Variants in ISM1 observed in about 807,000 individuals in gnomAD.
The protein encoded by ISM1 is isthmin 1.
Under a neutral mutation model 46.3 loss-of-function variants are expected in ISM1, and 25 were observed. That is an observed-to-expected ratio of 0.54 (90% CI 0.39 to 0.75). The LOEUF is 0.75. Ranked by LOEUF, ISM1 falls within the 30% of genes least tolerant of loss-of-function variation. ISM1 has a pLI of 0.00. For synonymous variants in ISM1, 255 were observed against 256.7 expected (o/e 0.99, Z 0.06); for missense variants, 536 against 625.4 (o/e 0.86, Z 1.52).
chr20:13,287,547 GCA>G (rs1418525311), intron 3 of ISM1, among the ~76,000 whole-genome samples: 1 of 152,070 alleles, frequency 6.6e-6, no homozygotes, highest in African/African-American at 2.4e-5. Flanking sequence ...TTTCCTTTTT[GCA>G]CACCACTCAT....
intron 1 of ISM1, among the ~76,000 whole-genome samples, chr20:13,266,624 A>G (rs2040045895): frequency 1.3e-5 from 2 of 152,264 alleles, no homozygotes; most frequent in Admixed American, 6.5e-5. Context: ...GGGTAAAGCA[A>G]TATTTTCCCA....
chr20:13,306,564 C>CAAAAAAAAAAAAAAAAGA, the ISM1 span, among the ~76,000 whole-genome samples: 1 of 63,914 alleles, frequency 1.6e-5, no homozygotes, highest in Non-Finnish European at 2.6e-5. Context: ...GGAGAAAGGA[C>CAAAAAAAAAAAAAAAAGA]AAAAAAAAAA....
chr20:13,246,141 C>T (rs2039790495), intron 1 of ISM1, among the ~76,000 whole-genome samples: 1 of 152,100 alleles, frequency 6.6e-6, no homozygotes, highest in Admixed American at 6.6e-5. Context: ...GGCATGGTGG[C>T]ACACACCTGT....
the ISM1 span, among the ~76,000 whole-genome samples, chr20:13,325,161 T>C: frequency 6.6e-6 from 1 of 151,996 alleles, no homozygotes; most frequent in Non-Finnish European, 1.5e-5. Context: ...GCCCGACAAA[T>C]GGGGTGAGGT....
At chr20:13,232,887 T>G (rs1480839437) in intron 1 of ISM1, among the ~76,000 whole-genome samples, 1 of 152,178 alleles carries the variant, frequency 6.6e-6, no homozygotes, top group Non-Finnish European at 1.5e-5. Context: ...ACTGTCTCCT[T>G]AGAAGGAATT....
At chr20:13,239,954 T>C (rs721243) in intron 1 of ISM1, among the ~76,000 whole-genome samples, 38,343 of 152,156 alleles carry the variant, frequency 0.25, 4,928 homozygotes, top group African/African-American at 0.31. Context: ...TTAGAGTAAG[T>C]GTACATCTAA....
At chr20:13,309,836 C>T in the ISM1 span, among the ~76,000 whole-genome samples, 55 of 144,946 alleles carry the variant, frequency 3.8e-4, no homozygotes, top group Non-Finnish European at 6.8e-4. Context: ...AAAACATTCT[C>T]ATTTACAACA....
intron 1 of ISM1, among the ~76,000 whole-genome samples, chr20:13,231,458 G>T (rs1175738702): frequency 6.6e-6 from 1 of 152,148 alleles, no homozygotes; most frequent in Non-Finnish European, 1.5e-5. Flanking sequence ...TGATCCCATG[G>T]TCCTTTACTA....
intron 2 of ISM1, among the ~76,000 whole-genome samples, 183 bp downstream of exon 2, chr20:13,270,926 T>C (rs1057131592): frequency 6.6e-6 from 1 of 152,212 alleles, no homozygotes; most frequent in Non-Finnish European, 1.5e-5. Context: ...CCCTTGATTG[T>C]GAGATGCACA....
At chr20:13,226,722 G>A (rs922481741) in intron 1 of ISM1, among the ~76,000 whole-genome samples, 5 of 152,166 alleles carry the variant, frequency 3.3e-5, no homozygotes, top group African/African-American at 1.2e-4. Context: ...AAGGAGTCTA[G>A]CTCATATATC....
chr20:13,255,455 G>T (rs1409224423), intron 1 of ISM1, among the ~76,000 whole-genome samples: 2 of 152,148 alleles, frequency 1.3e-5, no homozygotes, highest in Non-Finnish European at 2.9e-5. Flanking sequence ...AAAAAGAAAA[G>T]AAGTATATAT....
At chr20:13,268,514 C>A (rs1358310540) in intron 1 of ISM1, among the ~76,000 whole-genome samples, 1 of 152,118 alleles carries the variant, frequency 6.6e-6, no homozygotes, top group East Asian at 1.9e-4. Context: ...AAAACCATGG[C>A]AGAGAGGTGG....
At chr20:13,306,564 C>CAAAAAAAAAAAAAAAAAAAAAGAA in the ISM1 span, among the ~76,000 whole-genome samples, 1 of 63,914 alleles carries the variant, frequency 1.6e-5, no homozygotes, top group Non-Finnish European at 2.6e-5. Context: ...GGAGAAAGGA[C>CAAAAAAAAAAAAAAAAAAAAAGAA]AAAAAAAAAA....
At position 13,288,591 on chromosome 20, in the gene ISM1, C is replaced by T; in HGVS notation, c.695C>T (p.Thr232Ile). 1.2e-6 allele frequency: 2 copies of T among 1,613,968 alleles called. No homozygotes were observed. Among genetic ancestry groups the T allele is most frequent in the Non-Finnish European group, 1.7e-6 (2 of 1,179,862 alleles). Residue 232 changes from threonine (T) to isoleucine (I), a missense_variant, in exon 4 of 6, where the codon ACC (threonine) becomes ATC (isoleucine). This residue lies in a region of ISM1 where 367 missense variants were observed against 376.1 expected (regional missense o/e 0.98). Transcript: ENST00000262487. ...AGTCTCTGGTCTGTCTGCAGCGTCA[C>T]CTGCGGGAACGGCAACCAGAAACGG... is the stretch of plus-strand genomic sequence containing the variant. ...DWSLWSVCSV[T>I]CGNGNQKRTR...
chr20:13,236,815 A>G (rs2039655146), intron 1 of ISM1, among the ~76,000 whole-genome samples: 1 of 152,236 alleles, frequency 6.6e-6, no homozygotes, highest in Non-Finnish European at 1.5e-5. Context: ...CAGGTCTCAC[A>G]TCAAGGTGAC....
At chr20:13,224,841 C>CTTT (rs1162270732) in intron 1 of ISM1, among the ~76,000 whole-genome samples, 247 of 107,138 alleles carry the variant, frequency 2.3e-3, no homozygotes, top group East Asian at 2.8e-3. Flanking sequence ...AGCTTTCTTT[C>CTTT]TTTTTTTTTT....
In ISM1 at chr20:13,283,884, T is replaced by C. The variant is rs1263272108; in HGVS notation, c.643+3986T>C. Reference sequence around the variant, plus strand: ...TTTTCAGTGGTTTTCCTTTATAATGTTTAATTATGGCCACGTAAGAGCGTA... The same window carrying C: ...TTTTCAGTGGTTTTCCTTTATAATGCTTAATTATGGCCACGTAAGAGCGTA... On this transcript the variant is annotated intron_variant, in intron 3 of 5. Transcript: ENST00000262487. Among the ~76,000 whole-genome samples the C allele has an allele frequency of 3.3e-5, 5 of 152,202 alleles. No homozygotes were observed. In the East Asian group the frequency reaches 9.6e-4, roughly 29 times the overall value.
chr20:13,223,752 G>A (rs1163228529), intron 1 of ISM1, among the ~76,000 whole-genome samples: 1 of 152,064 alleles, frequency 6.6e-6, no homozygotes, highest in Non-Finnish European at 1.5e-5. Flanking sequence ...TATAGACTGG[G>A]GCACCCACCA....
At chr20:13,265,363 T>C (rs1007054821) in intron 1 of ISM1, among the ~76,000 whole-genome samples, 5 of 152,238 alleles carry the variant, frequency 3.3e-5, no homozygotes, top group Admixed American at 3.3e-4. Context: ...CTACCTCAAA[T>C]GGTAACAGTA....
Sources: allele counts gnomAD v4.1 joint callset (sites outside exome capture counted in the v4.1 genomes callset), GRCh38; gene constraint gnomAD v4.1.1; regional missense constraint gnomAD v4.1.1; transcripts MANE v1.5; gene names NCBI Gene and HGNC (gene_info 2026-07-23, HGNC 2026-07-21).